MINDY2: variants seen among roughly 807,000 people sequenced by gnomAD.
MINDY2 encodes the protein MINDY lysine 48 deubiquitinase 2.
A neutral mutation model predicts 68.2 loss-of-function variants in MINDY2; 52 were observed. The observed-to-expected ratio is 0.76, with a 90% CI of 0.61 to 0.96. The LOEUF is 0.96. MINDY2 is among the 40% of genes least tolerant of loss of function. The pLI, the probability that MINDY2 is intolerant of heterozygous loss-of-function variation, is 0.00. For synonymous variants in MINDY2, 372 were observed against 303.0 expected, an observed-to-expected ratio of 1.23 and a Z score of -2.36; for missense variants, 881 against 773.4, an observed-to-expected ratio of 1.14 and a Z score of -1.65.
At chr15:58,803,116 C>T (rs774496528) in intron 3 of MINDY2, among the ~76,000 whole-genome samples, 1 of 152,140 alleles carries the variant, frequency 6.6e-6, no homozygotes, top group East Asian at 1.9e-4. Flanking sequence ...ACTCATTTGT[C>T]TTGCAAAATT....
At chr15:58,802,533 T>C (rs1464519014) in intron 3 of MINDY2, among the ~76,000 whole-genome samples, 156 bp downstream of exon 3, 1 of 152,172 alleles carries the variant, frequency 6.6e-6, no homozygotes, top group Non-Finnish European at 1.5e-5. Context: ...ACATATTCTT[T>C]GTTTTCTTTT....
rs1271899800 is a variant in MINDY2 at position 58,858,254 on chromosome 15, T to C, written c.*3644T>C. On this transcript the variant is annotated 3_prime_UTR_variant, in exon 9 of 9. Coordinates refer to ENST00000559228, the MANE Select transcript of MINDY2 (RefSeq NM_001040450.3). ...TTAGGATTAGGCTTTGGAATATATC[T>C]TGTTTTTATTGTCTCACATTTCTGA... 6.6e-6 allele frequency: 1 copy of C among 152,192 alleles called. No individual in the cohort carries two copies. The highest frequency in any genetic ancestry group is 1.5e-5 in the Non-Finnish European group (1 of 68,020). The allele number at this position is 152,192 out of a possible 1,614,324, so 9.4% of individuals were successfully genotyped here. A position where few individuals can be genotyped will look rare whatever the true frequency, so the allele number is the denominator to read the frequency against.
intron 5 of MINDY2, among the ~76,000 whole-genome samples, chr15:58,830,723 A>C (rs1228223823): frequency 6.6e-6 from 1 of 152,128 alleles, no homozygotes; most frequent in African/African-American, 2.4e-5. Flanking sequence ...CAAAATCACC[A>C]ACAGAAAGCA....
chr15:58,856,169 T>C lies in MINDY2; in HGVS notation c.*1559T>C, dbSNP rs1230005320. 9.2e-5 allele frequency: 14 copies of C among 152,676 alleles called. No individual in the cohort carries two copies. Among genetic ancestry groups the C allele is most frequent in the African/African-American group, 3.1e-4 (13 of 41,470 alleles). 9.5% of individuals were successfully genotyped at this position (152,676 alleles called of 1,614,324 possible). A position where few individuals can be genotyped will look rare whatever the true frequency, so the allele number is the denominator to read the frequency against. On this transcript the variant is annotated 3_prime_UTR_variant, in exon 9 of 9. Transcript: ENST00000559228. ...TGTTTTAGTTATTTTGAAAGACTATTGCTGCTGCAAATAGTTGTGTGCTTT... is the reference window on the plus strand; with the variant it reads ...TGTTTTAGTTATTTTGAAAGACTATCGCTGCTGCAAATAGTTGTGTGCTTT...
chr15:58,840,239 C>T lies in MINDY2; in HGVS notation c.1369-7058C>T, dbSNP rs73428561. 7.0e-3 allele frequency among the ~76,000 whole-genome samples: 1,063 copies of T among 152,288 alleles called. 14 individuals are homozygous for T. The highest frequency in any genetic ancestry group is 0.024 in the African/African-American group (1,002 of 41,552). On this transcript the variant is annotated intron_variant, in intron 6 of 8. Transcript: ENST00000559228. ...TTGTGAATAATATCTACCACACTTCCGAACGAATATAGTACAAACAATGAT... is the reference window on the plus strand; with the variant it reads ...TTGTGAATAATATCTACCACACTTCTGAACGAATATAGTACAAACAATGAT...
Position 58,842,976 on chromosome 15 carries a change from G to A in MINDY2, c.1369-4321G>A, listed in dbSNP as rs138676952. ...GGGTGGATAAGAAAGTGCTTTTTTG[G>A]ATAAGACTACATTTGTTAAGTAGGA... On this transcript the variant is annotated intron_variant, in intron 6 of 8. Coordinates refer to ENST00000559228, the MANE Select transcript of MINDY2 (RefSeq NM_001040450.3). Among the ~76,000 whole-genome samples, 16 of 152,102 alleles carry A rather than the reference G, an allele frequency of 1.1e-4. No individual in the cohort carries two copies. The East Asian group carries it at 2.5e-3, about 24-fold the overall frequency.
intron 2 of MINDY2, among the ~76,000 whole-genome samples, chr15:58,797,414 A>T (rs1393735107): frequency 6.6e-6 from 1 of 152,172 alleles, no homozygotes; most frequent in Non-Finnish European, 1.5e-5. Context: ...AGGTTAAGGC[A>T]GCAGGATCAC....
At chr15:58,850,988 T>C (rs1264538853) in intron 7 of MINDY2, among the ~76,000 whole-genome samples, 4 of 152,184 alleles carry the variant, frequency 2.6e-5, no homozygotes, top group African/African-American at 9.7e-5. Flanking sequence ...TTTGTTTTTT[T>C]TTCACGACTG....
Position 58,847,375 on chromosome 15 carries a change from G to C in MINDY2, c.1447G>C (p.Asp483His). 2 of 1,609,488 alleles carry C rather than the reference G, an allele frequency of 1.2e-6. No homozygotes were observed. The highest frequency in any genetic ancestry group is 1.7e-6 in the Non-Finnish European group (2 of 1,176,550). Residue 483 changes from aspartate (D) to histidine (H), a missense_variant, in exon 7 of 9, where the codon GAT becomes CAT. By Grantham distance (81) the Asp-to-His change is moderately conservative. Coordinates refer to ENST00000559228, the MANE Select transcript of MINDY2 (RefSeq NM_001040450.3). ...KVVWESLHNV[D>H]GDGNFCDSEF... ...TGTTTGGGAAAGCCTACACAACGTA[G>C]ATGGTGATGGAAATTTCTGTGACTC...
intron 8 of MINDY2, 129 bp from the exon 9 acceptor site, chr15:58,854,351 CTG>C (rs2032976356): frequency 1.1e-6 from 1 of 917,802 alleles, no homozygotes; most frequent in Non-Finnish European, 1.6e-6. Flanking sequence ...TATAACAAAT[CTG>C]TATGCCAATA....
intron 6 of MINDY2, among the ~76,000 whole-genome samples, chr15:58,846,615 AT>A (rs1257347615): frequency 1.6e-4 from 23 of 140,086 alleles, no homozygotes; most frequent in African/African-American, 5.2e-4. Context: ...AAAAAAAAAA[AT>A]CTCATGTAAC....
At chr15:58,809,990 T>G (rs1427042447) in intron 3 of MINDY2, among the ~76,000 whole-genome samples, 3 of 152,182 alleles carry the variant, frequency 2.0e-5, no homozygotes, top group African/African-American at 4.8e-5. Flanking sequence ...TTGGCCAGGC[T>G]GGTCTCAAAC....
intron 1 of MINDY2, among the ~76,000 whole-genome samples, chr15:58,783,305 T>C (rs1263506362): frequency 1.3e-5 from 2 of 152,202 alleles, no homozygotes; most frequent in African/African-American, 2.4e-5. Flanking sequence ...TGAAGAGGTG[T>C]TGGAACTCAA....
At chr15:58,785,703 G>A (rs1236556161) in intron 1 of MINDY2, among the ~76,000 whole-genome samples, 7 of 151,964 alleles carry the variant, frequency 4.6e-5, no homozygotes, top group African/African-American at 1.5e-4. Context: ...TTTAAACAGA[G>A]TCTCACTCTG....
At chr15:58,803,945 GAAAAAAA>G (rs34082956) in intron 3 of MINDY2, among the ~76,000 whole-genome samples, 18 of 77,236 alleles carry the variant, frequency 2.3e-4, no homozygotes, top group East Asian at 1.2e-3. Flanking sequence ...CAGCTCTACT[GAAAAAAA>G]AAAAAAAAAA....
At chr15:58,826,225 C>CTTTTTTTTTT (rs34666834) in intron 5 of MINDY2, among the ~76,000 whole-genome samples, 3 of 98,184 alleles carry the variant, frequency 3.1e-5, no homozygotes, top group African/African-American at 4.1e-5. Context: ...TTCACACAAT[C>CTTTTTTTTTT]TTTTTTTTTT....
chr15:58,771,509 T>C lies in MINDY2; in HGVS notation c.114T>C (p.Gly38=). ...EGLQETRLAA[G]DGPGVWAAET... is the part of the protein sequence containing the mutation. Reference sequence around the variant, plus strand: ...TACAGGAGACCAGGCTCGCCGCTGGTGATGGTCCTGGGGTATGGGCGGCGG... The same window carrying C: ...TACAGGAGACCAGGCTCGCCGCTGGCGATGGTCCTGGGGTATGGGCGGCGG... The change falls in exon 1 of 9, where the codon GGT becomes GGC. Residue 38 remains glycine, a synonymous_variant. Coordinates refer to ENST00000559228, the MANE Select transcript of MINDY2 (RefSeq NM_001040450.3). 1 of 1,611,642 alleles carries C rather than the reference T, an allele frequency of 6.2e-7. No individual in the cohort carries two copies. Among genetic ancestry groups the C allele is most frequent in the Non-Finnish European group, 8.5e-7 (1 of 1,179,656 alleles).
chr15:58,822,217 G>A (rs558118677), intron 5 of MINDY2, among the ~76,000 whole-genome samples: 2 of 151,248 alleles, frequency 1.3e-5, no homozygotes, highest in South Asian at 4.2e-4. Context: ...TTGCGCCGCT[G>A]TACTCCACCC....
intron 2 of MINDY2, among the ~76,000 whole-genome samples, chr15:58,799,307 C>A (rs1185681942): frequency 6.6e-6 from 1 of 152,172 alleles, no homozygotes; most frequent in African/African-American, 2.4e-5. Context: ...GTGGCTCACG[C>A]CTGTAATCCC....
Sources: gnomAD v4.1 joint callset for allele counts (sites outside exome capture counted in the v4.1 genomes callset) on GRCh38, gnomAD v4.1.1 for gene constraint, MANE v1.5 for transcripts, NCBI Gene and HGNC (gene_info 2026-07-23, HGNC 2026-07-21) for gene names.